Variants in RBFOX1 observed in about 807,000 individuals in gnomAD.
RBFOX1 encodes RNA binding protein fox-1 homolog 1.
Under a neutral mutation model 57.7 loss-of-function variants are expected in RBFOX1, and 8 were observed. The ratio of observed to expected loss-of-function variants is 0.14; its 90% confidence interval spans 0.08 to 0.25. The LOEUF (loss-of-function observed/expected upper bound fraction) is 0.25, where lower values mean the gene tolerates loss of function less well. Ranked by LOEUF, RBFOX1 falls within the 10% of genes least tolerant of loss-of-function variation. The pLI, the probability that RBFOX1 is intolerant of heterozygous loss-of-function variation, is 1.00. For synonymous variants in RBFOX1, 326 were observed against 222.4 expected (o/e 1.47, Z -4.15); for missense variants, 611 against 548.5 (o/e 1.11, Z -1.14).
intron 4 of RBFOX1, among the ~76,000 whole-genome samples, chr16:7,458,813 C>T (rs1486049345): frequency 2.0e-5 from 3 of 152,190 alleles, no homozygotes; most frequent in Non-Finnish European, 4.4e-5. Context: ...GTGTTCCTTT[C>T]CTAGCTGACT....
rs150507222 is a variant in RBFOX1 at position 7,507,208 on chromosome 16, G to A, written c.28-10939G>A. Among the ~76,000 whole-genome samples, 34 of 152,136 alleles carry A rather than the reference G, an allele frequency of 2.2e-4. No homozygotes were observed. The East Asian group carries it at 6.6e-3, about 29-fold the overall frequency. On this transcript the variant is annotated intron_variant, in intron 4 of 15. Transcript: ENST00000550418. ...TAGAAATTACCTGGCCTATCATAGT[G>A]TTTTTCCATTTATTTATTTTTACCC...
intron 2 of RBFOX1, among the ~76,000 whole-genome samples, chr16:6,590,010 A>T (rs1289487601): frequency 6.6e-6 from 1 of 152,186 alleles, no homozygotes; most frequent in African/African-American, 2.4e-5. Context: ...GCCAAGAAGT[A>T]GCTCTTAGTC....
intron 3 of RBFOX1, among the ~76,000 whole-genome samples, chr16:5,644,159 T>C (rs995538697): frequency 6.6e-6 from 1 of 152,206 alleles, no homozygotes; most frequent in African/African-American, 2.4e-5. Context: ...ATCGCGTCTT[T>C]CCATAAGGTA....
intron 4 of RBFOX1, among the ~76,000 whole-genome samples, chr16:7,277,993 G>C (rs1290185871): frequency 4.0e-5 from 6 of 150,854 alleles, no homozygotes. Context: ...TTATTGAAAA[G>C]AGGCAAGAAT....
chr16:7,381,464 A>T (rs1457140647), intron 4 of RBFOX1, among the ~76,000 whole-genome samples: 1 of 151,892 alleles, frequency 6.6e-6, no homozygotes, highest in African/African-American at 2.4e-5. Flanking sequence ...TTAGTAAAAT[A>T]TATAGACTAC....
intron 3 of RBFOX1, among the ~76,000 whole-genome samples, chr16:6,980,999 C>T (rs376648597): frequency 2.6e-4 from 34 of 131,380 alleles, no homozygotes; most frequent in South Asian, 1.2e-3. Context: ...GCCGAGATCA[C>T]GCCACTGCAC....
chr16:7,338,797 T>C (rs527852381), intron 4 of RBFOX1, among the ~76,000 whole-genome samples: 1 of 152,160 alleles, frequency 6.6e-6, no homozygotes, highest in Non-Finnish European at 1.5e-5. Context: ...TTACAAGTAA[T>C]TTGGGTAAGT....
chr16:5,425,064 C>CTTAT (rs766262577), intron 1 of RBFOX1, among the ~76,000 whole-genome samples: 7,624 of 114,920 alleles, frequency 0.066, 751 homozygotes, highest in African/African-American at 0.21. Flanking sequence ...TCCTTCCTTT[C>CTTAT]TTATCTATCT....
chr16:7,169,995 C>T (rs958169970), intron 4 of RBFOX1, among the ~76,000 whole-genome samples: 23 of 152,076 alleles, frequency 1.5e-4, no homozygotes, highest in African/African-American at 5.3e-4. Context: ...ATCACTTGAG[C>T]CTGGGGAGGC....
At chr16:7,657,917 T>C (rs7190927) in intron 12 of RBFOX1, among the ~76,000 whole-genome samples, 54,781 of 152,092 alleles carry the variant, frequency 0.36, 10,449 homozygotes, top group East Asian at 0.62. Flanking sequence ...TGGAATTTTA[T>C]AGTCCTAGGA....
At chr16:6,811,523 A>G (rs1284733836) in intron 3 of RBFOX1, among the ~76,000 whole-genome samples, 3 of 152,186 alleles carry the variant, frequency 2.0e-5, no homozygotes, top group African/African-American at 2.4e-5. Flanking sequence ...TAGTCCTCAG[A>G]CCACAGTTAA....
chr16:6,808,215 T>G (rs1015007103), intron 3 of RBFOX1, among the ~76,000 whole-genome samples: 1 of 151,098 alleles, frequency 6.6e-6, no homozygotes, highest in East Asian at 1.9e-4. Flanking sequence ...TATTGAAGTA[T>G]GCACTAGCTT....
At chr16:7,536,887 G>A (rs1202159429) in intron 5 of RBFOX1, among the ~76,000 whole-genome samples, 1 of 152,194 alleles carries the variant, frequency 6.6e-6, no homozygotes, top group Non-Finnish European at 1.5e-5. Context: ...TCAGTTACCA[G>A]CACTCCAGTG....
At chr16:5,688,866 C>T (rs7184455) in intron 3 of RBFOX1, among the ~76,000 whole-genome samples, 87,297 of 152,114 alleles carry the variant, frequency 0.57, 28,600 homozygotes, top group Non-Finnish European at 0.74. Flanking sequence ...GGACTCTCTT[C>T]TACTGCCTCT....
At chr16:7,263,969 G>C (rs2095031888) in intron 4 of RBFOX1, among the ~76,000 whole-genome samples, 1 of 148,964 alleles carries the variant, frequency 6.7e-6, no homozygotes. Flanking sequence ...CAACTGAAAG[G>C]AGAAACAAAA....
chr16:7,648,992 T>G (rs373762593), intron 11 of RBFOX1, among the ~76,000 whole-genome samples: 1 of 152,092 alleles, frequency 6.6e-6, no homozygotes, highest in African/African-American at 2.4e-5. Context: ...GTGACTAAGT[T>G]TCAGTTGTGT....
At chr16:7,114,934 C>T (rs879656201) in intron 4 of RBFOX1, among the ~76,000 whole-genome samples, 2 of 152,142 alleles carry the variant, frequency 1.3e-5, no homozygotes, top group Non-Finnish European at 2.9e-5. Flanking sequence ...GGTAAGATCA[C>T]TTAGCTGTGA....
In RBFOX1 at chr16:7,471,703, C is replaced by T. The variant is rs143340440; in HGVS notation, c.28-46444C>T. On this transcript the variant is annotated intron_variant, in intron 4 of 15. Coordinates refer to ENST00000550418, the MANE Select transcript of RBFOX1 (RefSeq NM_018723.4). ...TTGAACTCAAGCGTGATTTGAAATT[C>T]TGTCCATTTTCTTGCCCTCAGTGGA... is the stretch of plus-strand genomic sequence containing the variant. 7.9e-5 allele frequency among the ~76,000 whole-genome samples: 12 copies of T among 152,280 alleles called. No homozygotes were observed. The East Asian group carries it at 2.1e-3, about 27-fold the overall frequency.
intron 3 of RBFOX1, among the ~76,000 whole-genome samples, chr16:6,659,875 T>A (rs2098690180): frequency 6.6e-6 from 1 of 152,108 alleles, no homozygotes; most frequent in African/African-American, 2.4e-5. Flanking sequence ...AAGACCTGAT[T>A]CGGTTCCTAG....
Sources: gnomAD v4.1 joint callset for allele counts (sites outside exome capture counted in the v4.1 genomes callset) on GRCh38, gnomAD v4.1.1 for gene constraint, MANE v1.5 for transcripts, NCBI Gene and HGNC (gene_info 2026-07-23, HGNC 2026-07-21) for gene names.